AFG3L2: variants seen among roughly 807,000 people sequenced by gnomAD.
AFG3L2 encodes AFG3 like matrix AAA peptidase subunit 2.
In AFG3L2, 54 loss-of-function variants were observed where a neutral mutation model predicts 94.5. That is an observed-to-expected ratio of 0.57 (90% CI 0.46 to 0.72). The LOEUF (loss-of-function observed/expected upper bound fraction) is 0.72, where lower values mean the gene tolerates loss of function less well. AFG3L2 is among the 30% of genes least tolerant of loss of function. AFG3L2 has a pLI of 0.00. For synonymous variants in AFG3L2, 377 were observed against 365.5 expected (o/e 1.03, Z -0.36); for missense variants, 754 against 994.9 (o/e 0.76, Z 3.26).
intron 16 of AFG3L2, 106 bp downstream of exon 16, chr18:12,337,235 G>C (rs1907775021): frequency 1.0e-6 from 1 of 1,002,726 alleles, no homozygotes; most frequent in Non-Finnish European, 1.6e-6. Flanking sequence ...GGGTGAGCCA[G>C]AGAGAGGGAA....
chr18:12,362,246 G>A (rs1019677892), intron 6 of AFG3L2, among the ~76,000 whole-genome samples: 10 of 152,356 alleles, frequency 6.6e-5, no homozygotes, highest in African/African-American at 2.4e-4. Flanking sequence ...GGCTGTGTGT[G>A]TGCAGCACTG....
chr18:12,341,808 A>T (rs550407474), intron 14 of AFG3L2: 16 of 152,342 alleles, frequency 1.1e-4, no homozygotes, highest in Non-Finnish European at 1.9e-4. Flanking sequence ...CCTTAATAAG[A>T]AACTGCCAAA....
intron 5 of AFG3L2, among the ~76,000 whole-genome samples, chr18:12,366,278 G>C (rs1351873095): frequency 2.6e-5 from 4 of 152,142 alleles, no homozygotes; most frequent in Admixed American, 1.3e-4. Context: ...CATCTTATTA[G>C]ATTTGTCTTA....
intron 8 of AFG3L2, among the ~76,000 whole-genome samples, chr18:12,358,430 C>G (rs1314631102): frequency 6.6e-6 from 1 of 152,142 alleles, no homozygotes; most frequent in African/African-American, 2.4e-5. Context: ...GAAGACGAAT[C>G]AAGAAAATCT....
chr18:12,348,443 C>A, intron 12 of AFG3L2, 60 bp from the exon 13 acceptor site: 1 of 1,271,634 alleles, frequency 7.9e-7, no homozygotes, highest in African/African-American at 1.5e-5. Flanking sequence ...ATCAGTCACA[C>A]AATATGGACA....
At chr18:12,336,945 TTC>T (rs138894563) in intron 16 of AFG3L2, among the ~76,000 whole-genome samples, 48 of 152,358 alleles carry the variant, frequency 3.2e-4, no homozygotes, top group African/African-American at 1.1e-3. Context: ...GTTTGGCTGC[TTC>T]TTTTACTTGC....
chr18:12,375,162 G>A (rs888297834), intron 1 of AFG3L2, among the ~76,000 whole-genome samples: 5 of 151,724 alleles, frequency 3.3e-5, no homozygotes, highest in Admixed American at 2.0e-4. Context: ...AGCGTGGCGT[G>A]ACCATGGCGA....
intron 2 of AFG3L2, among the ~76,000 whole-genome samples, chr18:12,371,317 A>G (rs74892206): frequency 6.8e-6 from 1 of 146,432 alleles, no homozygotes; most frequent in Non-Finnish European, 1.5e-5. Flanking sequence ...TCAGTCTCCA[A>G]AAAAAAAAAA....
At chr18:12,345,717 G>T (rs1429385639) in intron 13 of AFG3L2, among the ~76,000 whole-genome samples, 1 of 152,100 alleles carries the variant, frequency 6.6e-6, no homozygotes, top group Non-Finnish European at 1.5e-5. Context: ...TGCCCGCTCT[G>T]CCCTGCCCTC....
rs771589955 is a variant in AFG3L2, at chr18:12,337,508, C to T, written c.2008G>A (p.Val670Ile). The T allele has an allele frequency of 6.2e-7, 1 of 1,614,234 alleles. No individual in the cohort carries two copies. The highest frequency in any genetic ancestry group is 8.5e-7 in the Non-Finnish European group (1 of 1,180,046). Reference protein sequence around the residue: ...QIVQFGMNEKVGQISFDLPRQ... With the variant: ...QIVQFGMNEKIGQISFDLPRQ... Reference sequence around the variant, plus strand: ...GGGAGGTCAAAGGAGATTTGCCCAACCTTTTCATTCATGCCAAACTGAACA... The same window carrying T: ...GGGAGGTCAAAGGAGATTTGCCCAATCTTTTCATTCATGCCAAACTGAACA... Residue 670 changes from valine to isoleucine, a missense_variant, in exon 16 of 17, where the codon GTT (valine) becomes ATT (isoleucine). Transcript: ENST00000269143.
intron 1 of AFG3L2, among the ~76,000 whole-genome samples, chr18:12,372,751 A>G (rs1341630898): frequency 6.6e-6 from 1 of 152,248 alleles, no homozygotes; most frequent in African/African-American, 2.4e-5. Flanking sequence ...AACTCTGAAA[A>G]CATCATATTA....
intron 3 of AFG3L2, among the ~76,000 whole-genome samples, chr18:12,369,112 G>C (rs1908898151): frequency 6.6e-6 from 1 of 152,096 alleles, no homozygotes; most frequent in South Asian, 2.1e-4. Flanking sequence ...TCAGCCCCCA[G>C]AATGAGGCCC....
intron 1 of AFG3L2, among the ~76,000 whole-genome samples, chr18:12,373,929 C>T (rs1289354156): frequency 6.6e-6 from 1 of 152,162 alleles, no homozygotes; most frequent in East Asian, 1.9e-4. Flanking sequence ...CCTCTCAATA[C>T]CACCACGATG....
intron 9 of AFG3L2, among the ~76,000 whole-genome samples, chr18:12,355,889 G>C: frequency 6.6e-6 from 1 of 151,936 alleles, no homozygotes; most frequent in East Asian, 1.9e-4. Flanking sequence ...AGCCAGGATG[G>C]TCTCGATCTC....
At chr18:12,333,383 G>T (rs1907647291) in intron 16 of AFG3L2, among the ~76,000 whole-genome samples, 1 of 138,648 alleles carries the variant, frequency 7.2e-6, no homozygotes. Context: ...CCCTGAAACA[G>T]GGTCTCACTT....
chr18:12,366,907 TA>T, intron 5 of AFG3L2, 57 bp downstream of exon 5: 1 of 1,599,494 alleles, frequency 6.3e-7, no homozygotes, highest in Non-Finnish European at 8.6e-7. Flanking sequence ...TTCTTTGGTC[TA>T]ATCTGATGAA....
intron 13 of AFG3L2, among the ~76,000 whole-genome samples, chr18:12,346,387 C>T (rs187713161): frequency 1.4e-4 from 21 of 152,298 alleles, no homozygotes; most frequent in African/African-American, 4.3e-4. Flanking sequence ...ACCCCTGCCC[C>T]GGCTCACATG....
chr18:12,340,084 C>T (rs1333301795), intron 15 of AFG3L2, 117 bp downstream of exon 15: 1 of 982,040 alleles, frequency 1.0e-6, no homozygotes, highest in Non-Finnish European at 1.6e-6. Flanking sequence ...TAATCCTTGC[C>T]TAAAAAGCCT....
At chr18:12,376,002 A>C (rs1015007197) in intron 1 of AFG3L2, among the ~76,000 whole-genome samples, 1 of 152,200 alleles carries the variant, frequency 6.6e-6, no homozygotes. Flanking sequence ...AAATAAAAAT[A>C]AAAATCGTAG....
Sources: allele counts gnomAD v4.1 joint callset (sites outside exome capture counted in the v4.1 genomes callset), GRCh38; gene constraint gnomAD v4.1.1; transcripts MANE v1.5; gene names NCBI Gene and HGNC (gene_info 2026-07-23, HGNC 2026-07-21).